CLDN16: variants seen among roughly 807,000 people sequenced by gnomAD.
CLDN16 encodes the protein claudin 16.
CLDN16 carries 13 observed loss-of-function variants against 24.6 expected under a neutral mutation model. The ratio of observed to expected loss-of-function variants is 0.53; its 90% CI spans 0.34 to 0.84. The LOEUF (loss-of-function observed/expected upper bound fraction) is 0.84. Among genes scored for constraint, CLDN16 ranks in the 40% least tolerant of loss-of-function variants. The pLI, the probability that CLDN16 is intolerant of heterozygous loss-of-function variation, is 0.01. For missense variants in CLDN16, 298 were observed against 292.7 expected (o/e 1.02, Z -0.13); for synonymous variants, 116 against 106.7 (o/e 1.09, Z -0.54).
intron 4 of CLDN16, among the ~76,000 whole-genome samples, chr3:190,409,186 A>ACACACATATATGCATGTATATATG (rs1719197508): frequency 1.0e-5 from 1 of 99,520 alleles, no homozygotes; most frequent in Non-Finnish European, 2.3e-5. Context: ...ATGTATATAT[A>ACACACATATATGCATGTATATATG]CACACACGTA....
the CLDN16 span, among the ~76,000 whole-genome samples, chr3:190,293,029 A>G: frequency 6.6e-6 from 1 of 152,122 alleles, no homozygotes; most frequent in African/African-American, 2.4e-5. Flanking sequence ...GTACCAATTT[A>G]CTGTATTAGT....
At chr3:190,309,571 T>C in the CLDN16 span, among the ~76,000 whole-genome samples, 17 of 152,334 alleles carry the variant, frequency 1.1e-4, 1 homozygote, top group East Asian at 3.3e-3. Context: ...AGAATGTTGT[T>C]ACACGAGAGC....
At chr3:190,306,269 G>A in the CLDN16 span, 3 of 152,194 alleles carry the variant, frequency 2.0e-5, no homozygotes, top group Admixed American at 1.3e-4. Flanking sequence ...AGAAAGCATC[G>A]GGCCATACTC....
chr3:190,301,223 G>A, the CLDN16 span, among the ~76,000 whole-genome samples: 9 of 152,108 alleles, frequency 5.9e-5, no homozygotes, highest in African/African-American at 1.4e-4. Context: ...GGTTGGGTGC[G>A]GTGACTCATG....
At chr3:190,383,559 T>C (rs567015853), upstream of CLDN16, among the ~76,000 whole-genome samples, 16 of 152,258 alleles carry the variant, frequency 1.1e-4, no homozygotes, top group East Asian at 3.1e-3. Context: ...GGTATCTTTG[T>C]GCTTTGAAAT....
At chr3:190,392,760 G>A (rs1718713156) in intron 1 of CLDN16, among the ~76,000 whole-genome samples, 1 of 152,190 alleles carries the variant, frequency 6.6e-6, no homozygotes, top group Admixed American at 6.5e-5. Flanking sequence ...GTATGTTTGC[G>A]GTATTTTGTA....
Position 190,388,255 on chromosome 3 carries a change from A to C in CLDN16, c.-75A>C. 1 of 1,612,586 alleles carries C rather than the reference A, an allele frequency of 6.2e-7. No homozygotes were observed. Among genetic ancestry groups the C allele is most frequent in the Non-Finnish European group, 8.5e-7 (1 of 1,179,302 alleles). On this transcript the variant is annotated 5_prime_UTR_variant, in exon 1 of 5. Transcript: ENST00000264734. ...TTGCCAGGTACCAGAAACACAGAAG[A>C]CTGACACCCGCCACTTAAGTGGGGC...
chr3:190,391,105 A>G (rs1220023754), intron 1 of CLDN16, among the ~76,000 whole-genome samples: 2 of 152,084 alleles, frequency 1.3e-5, no homozygotes, highest in Non-Finnish European at 2.9e-5. Context: ...CCATTGTTGG[A>G]CAAAAGTCAA....
chr3:190,333,428 C>T (rs966971806), intron 1 of CLDN16, among the ~76,000 whole-genome samples: 1 of 152,042 alleles, frequency 6.6e-6, no homozygotes, highest in Admixed American at 6.6e-5. Context: ...TAAGTGTATG[C>T]ACTATTACTC....
At chr3:190,323,795 C>T (rs1215524028) in intron 1 of CLDN16, among the ~76,000 whole-genome samples, 1 of 152,176 alleles carries the variant, frequency 6.6e-6, no homozygotes, top group Non-Finnish European at 1.5e-5. Context: ...AGGCTTAAAA[C>T]TAAAGGACTT....
chr3:190,371,726 G>T (rs76216067), intron 2 of CLDN16, among the ~76,000 whole-genome samples: 35 of 151,938 alleles, frequency 2.3e-4, no homozygotes, highest in African/African-American at 8.2e-4. Flanking sequence ...ATTTGTTGAA[G>T]CAGTTCATTA....
At chr3:190,323,355 G>C (rs1411159977) in intron 1 of CLDN16, among the ~76,000 whole-genome samples, 1 of 152,164 alleles carries the variant, frequency 6.6e-6, no homozygotes, top group Non-Finnish European at 1.5e-5. Flanking sequence ...AGTGGCAAAA[G>C]GACTGGGCTG....
chr3:190,329,380 A>G (rs1052815541), intron 1 of CLDN16, among the ~76,000 whole-genome samples: 4 of 152,172 alleles, frequency 2.6e-5, no homozygotes, highest in African/African-American at 9.7e-5. Flanking sequence ...CGGAGACATT[A>G]CTTGTGTTCC....
upstream of CLDN16, chr3:190,322,016 C>A (rs755467541): frequency 2.5e-6 from 4 of 1,614,206 alleles, no homozygotes; most frequent in South Asian, 2.2e-5. Context: ...AAAGACTTTG[C>A]ACTGGATCTG....
chr3:190,340,116 T>G (rs1717394403), intron 1 of CLDN16, among the ~76,000 whole-genome samples: 1 of 152,216 alleles, frequency 6.6e-6, no homozygotes, highest in South Asian at 2.1e-4. Flanking sequence ...TTTAACATCC[T>G]TTCTTGATAA....
At chr3:190,396,411 G>A (rs1275848026) in intron 1 of CLDN16, among the ~76,000 whole-genome samples, 2 of 152,110 alleles carry the variant, frequency 1.3e-5, no homozygotes, top group African/African-American at 4.8e-5. Context: ...TTATTAAGTA[G>A]CAACTGTGCA....
chr3:190,335,620 G>C (rs953112349), intron 1 of CLDN16, among the ~76,000 whole-genome samples: 1 of 149,132 alleles, frequency 6.7e-6, no homozygotes, highest in African/African-American at 2.5e-5. Flanking sequence ...GCTGAGGCAG[G>C]GGAATCACTT....
At chr3:190,385,521 A>G (rs1468778500), upstream of CLDN16, among the ~76,000 whole-genome samples, 5 of 152,088 alleles carry the variant, frequency 3.3e-5, no homozygotes, top group Non-Finnish European at 1.5e-5. Flanking sequence ...ACTCCCTATC[A>G]CATACAATGT....
intron 1 of CLDN16, among the ~76,000 whole-genome samples, chr3:190,346,006 T>C (rs1055860395): frequency 7.9e-5 from 12 of 151,838 alleles, no homozygotes; most frequent in Non-Finnish European, 1.3e-4. Flanking sequence ...TCCTTTTAGG[T>C]CTTACAGTGT....
Sources: gnomAD v4.1 joint callset for allele counts (sites outside exome capture counted in the v4.1 genomes callset) on GRCh38, gnomAD v4.1.1 for gene constraint, MANE v1.5 for transcripts, NCBI Gene and HGNC (gene_info 2026-07-23, HGNC 2026-07-21) for gene names.